The following CENPE variants were observed in gnomAD, a reference collection of about 807,000 sequenced individuals.
CENPE encodes the protein centromere-associated protein E.
Under a neutral mutation model 336.1 loss-of-function variants are expected in CENPE, and 145 were observed. The ratio of observed to expected loss-of-function variants is 0.43; its 90% CI spans 0.38 to 0.50. CENPE has a LOEUF of 0.50. CENPE is among the 20% of genes least tolerant of loss of function. The pLI, the probability that CENPE is intolerant of heterozygous loss-of-function variation, is 0.00. For synonymous variants in CENPE, 1,013 were observed against 984.8 expected (o/e 1.03, Z -0.54); for missense variants, 2,719 against 3,023.3 (o/e 0.90, Z 2.36).
chr4:103,144,367 G>T lies in CENPE; in HGVS notation c.5109C>A (p.Asp1703Glu). 1 of 1,611,688 alleles carries T rather than the reference G, an allele frequency of 6.2e-7. No individual in the cohort carries two copies. Among genetic ancestry groups the T allele is most frequent in the South Asian group, 1.1e-5 (1 of 90,418 alleles). ...TTTCTCTAAGGTTTTCCTTGAGCTGGTCTCTCTCTACTTTGAGAGTCTCCT... is the reference window on the plus strand; with the variant it reads ...TTTCTCTAAGGTTTTCCTTGAGCTGTTCTCTCTCTACTTTGAGAGTCTCCT... ...SVEETLKVER[D>E]QLKENLRETI... The change falls in exon 33 of 49, where the codon GAC becomes GAA. Residue 1703 changes from aspartate (D) to glutamate (E), a missense_variant. This residue lies in a region of CENPE where 2,437 missense variants were observed against 2,513.3 expected (regional missense o/e 0.97). Transcript: ENST00000265148.
At chr4:103,117,339 GT>G (rs1750219834) in intron 44 of CENPE, among the ~76,000 whole-genome samples, 1 of 152,068 alleles carries the variant, frequency 6.6e-6, no homozygotes, top group Non-Finnish European at 1.5e-5. Context: ...TTCCATGACA[GT>G]TTATTTGTAT....
intron 39 of CENPE, among the ~76,000 whole-genome samples, chr4:103,137,911 A>G (rs935864160): frequency 4.6e-5 from 7 of 152,152 alleles, no homozygotes; most frequent in Non-Finnish European, 8.8e-5. Flanking sequence ...ACCTCACTTA[A>G]TAAAACTCAG....
intron 16 of CENPE, among the ~76,000 whole-genome samples, chr4:103,165,357 G>A (rs922048965): frequency 6.6e-6 from 1 of 152,122 alleles, no homozygotes; most frequent in African/African-American, 2.4e-5. Flanking sequence ...CCTCGAGTAT[G>A]GTGATACTTG....
chr4:103,140,456 G>T (rs766329005), intron 36 of CENPE, 42 bp from the exon 37 acceptor site: 14 of 1,312,180 alleles, frequency 1.1e-5, no homozygotes, highest in Admixed American at 4.9e-5. Context: ...TGATATAAAG[G>T]CACGTTACCT....
At chr4:103,151,678 G>A (rs1753585385) in intron 25 of CENPE, among the ~76,000 whole-genome samples, 2 of 152,108 alleles carry the variant, frequency 1.3e-5, no homozygotes, top group Admixed American at 6.6e-5. Context: ...GACTTTTTCT[G>A]AGCTATCACT....
chr4:103,196,814 C>T lies in CENPE; in HGVS notation c.93G>A (p.Trp31Ter). ...GATAAATGACATTATTGTCAGTTTTCCAGTAAACTTGGGCAGTTTCTCCAA... is the reference window on the plus strand; with the variant it reads ...GATAAATGACATTATTGTCAGTTTTTCAGTAAACTTGGGCAGTTTCTCCAA... Reference protein sequence around the residue: ...ESLGETAQVYWKTDNNVIYQV... With the variant: ...ESLGETAQVY The change falls in exon 2 of 49, where the codon TGG becomes TGA. Residue 31 changes from tryptophan (W) to a stop codon, truncating the protein, a stop_gained. Transcript: ENST00000265148. LOFTEE classifies it high-confidence loss of function. 6.3e-7 allele frequency: 1 copy of T among 1,597,684 alleles called. No individual in the cohort carries two copies. The highest frequency in any genetic ancestry group is 8.6e-7 in the Non-Finnish European group (1 of 1,167,866).
chr4:103,116,464 G>A (rs573029918), intron 45 of CENPE, 113 bp downstream of exon 45: 8 of 534,938 alleles, frequency 1.5e-5, no homozygotes, highest in Middle Eastern at 5.2e-4. Context: ...AAAAAGAGCT[G>A]TAACAATATT....
chr4:103,191,967 T>C (rs1010991942), intron 8 of CENPE, among the ~76,000 whole-genome samples: 11 of 151,680 alleles, frequency 7.3e-5, no homozygotes, highest in Non-Finnish European at 1.0e-4. Context: ...GGCAGGAATC[T>C]CGGTGAGAGA....
At position 103,143,348 on chromosome 4, in the gene CENPE, T is replaced by C. The variant is rs755224642; in HGVS notation, c.5204A>G (p.Glu1735Gly). Residue 1735 changes from glutamate to glycine, a missense_variant, in exon 34 of 49, where the codon GAA becomes GGA. Around this residue, in one of 5 missense-constraint regions of CENPE, gnomAD observed 2,437 missense variants for 2,513.3 expected, o/e 0.97. Coordinates refer to ENST00000265148, the MANE Select transcript of CENPE (RefSeq NM_001813.3). ...IVHMHLKEHQ[E>G]TIDKLRGIVS... Reference sequence around the variant, plus strand: ...AATCCCTCTTAGTTTATCAATAGTTTCTTGGTGCTCCTTCAGATGCATGTG... The same window carrying C: ...AATCCCTCTTAGTTTATCAATAGTTCCTTGGTGCTCCTTCAGATGCATGTG... 7 of 1,608,154 alleles carry C rather than the reference T, an allele frequency of 4.4e-6. No individual in the cohort carries two copies. Among genetic ancestry groups the C allele is most frequent in the Non-Finnish European group, 6.0e-6 (7 of 1,175,462 alleles).
chr4:103,135,081 A>G (rs1365270031), intron 40 of CENPE, among the ~76,000 whole-genome samples: 1 of 152,088 alleles, frequency 6.6e-6, no homozygotes, highest in Non-Finnish European at 1.5e-5. Context: ...GACTTTTCCA[A>G]CCTTGAACCC....
intron 13 of CENPE, among the ~76,000 whole-genome samples, chr4:103,179,434 C>A (rs945604013): frequency 6.6e-6 from 1 of 152,192 alleles, no homozygotes. Context: ...CAACTCCAAG[C>A]TTTTGTACAT....
At chr4:103,156,433 A>T (rs1473404737) in intron 24 of CENPE, among the ~76,000 whole-genome samples, 1 of 152,180 alleles carries the variant, frequency 6.6e-6, no homozygotes, top group Non-Finnish European at 1.5e-5. Context: ...ATGCTTGTGT[A>T]TATGGTCACA....
At chr4:103,179,689 A>G (rs1275208803) in intron 13 of CENPE, among the ~76,000 whole-genome samples, 1 of 152,206 alleles carries the variant, frequency 6.6e-6, no homozygotes, top group African/African-American at 2.4e-5. Context: ...CCACACTGCT[A>G]CTTCCACAGG....
chr4:103,136,434 T>C (rs1044524343), intron 39 of CENPE, 75 bp from the exon 40 acceptor site: 12 of 1,016,810 alleles, frequency 1.2e-5, no homozygotes, highest in East Asian at 7.8e-5. Context: ...AACTCTAGAA[T>C]TGTAACAAAA....
At chr4:103,170,452 A>G (rs1351450703) in intron 16 of CENPE, among the ~76,000 whole-genome samples, 2 of 152,240 alleles carry the variant, frequency 1.3e-5, no homozygotes, top group South Asian at 2.1e-4. Context: ...TTAGTAATCA[A>G]TGATAATCTG....
intron 42 of CENPE, among the ~76,000 whole-genome samples, chr4:103,128,711 G>A (rs1335953257): frequency 6.6e-6 from 1 of 152,086 alleles, no homozygotes; most frequent in African/African-American, 2.4e-5. Context: ...CAGTATCTGT[G>A]GGATGCAGTA....
chr4:103,109,018 T>G lies in CENPE; in HGVS notation c.7796A>C (p.Gln2599Pro), dbSNP rs779505107. 3 of 1,613,592 alleles carry G rather than the reference T, an allele frequency of 1.9e-6. No individual in the cohort carries two copies. Among genetic ancestry groups the G allele is most frequent in the Admixed American group, 1.7e-5 (1 of 59,994 alleles). ...CTTTGGAGAATTCTCACAAGTTACT[T>G]GTTTGTGAGCCTCTCTTTTAAGGGT... ...ERTLKREAHK[Q>P]VTCENSPKSP... The change falls in exon 48 of 49, where the codon CAA becomes CCA. Residue 2599 changes from glutamine to proline, a missense_variant. Gln to Pro is a moderately conservative substitution (Grantham distance 76). Around this residue, in one of 5 missense-constraint regions of CENPE, gnomAD observed 2,437 missense variants for 2,513.3 expected, o/e 0.97. Coordinates refer to ENST00000265148, the MANE Select transcript of CENPE (RefSeq NM_001813.3).
rs375949295 is a variant in CENPE at position 103,153,124 on chromosome 4, C to G, written c.3160G>C (p.Glu1054Gln). ...KIFSLIQEKNELQQMLESVIA... is the reference protein window; with the variant it reads ...KIFSLIQEKNQLQQMLESVIA... Reference sequence around the variant, plus strand: ...ACACTCTCTAACATTTGTTGGAGTTCATTTTTCTCCTGTATTAAAGAAAAT... The same window carrying G: ...ACACTCTCTAACATTTGTTGGAGTTGATTTTTCTCCTGTATTAAAGAAAAT... Residue 1054 changes from glutamate (E) to glutamine (Q), a missense_variant, in exon 25 of 49, where the codon GAA (glutamate) becomes CAA (glutamine). This residue lies in a region of CENPE where 2,437 missense variants were observed against 2,513.3 expected (regional missense o/e 0.97). Transcript: ENST00000265148. 24 of 1,612,696 alleles carry G rather than the reference C, an allele frequency of 1.5e-5. No individual in the cohort carries two copies. The highest frequency in any genetic ancestry group is 2.0e-5 in the Non-Finnish European group (23 of 1,179,304).
intron 8 of CENPE, among the ~76,000 whole-genome samples, chr4:103,186,429 CTT>C (rs1756774699): frequency 6.6e-6 from 1 of 152,214 alleles, no homozygotes; most frequent in African/African-American, 2.4e-5. Context: ...ATAAACATGA[CTT>C]ATAGATACGA....
Sources: allele counts gnomAD v4.1 joint callset (sites outside exome capture counted in the v4.1 genomes callset), GRCh38; gene constraint gnomAD v4.1.1; regional missense constraint gnomAD v4.1.1; transcripts MANE v1.5; gene names NCBI Gene and HGNC (gene_info 2026-07-23, HGNC 2026-07-21).